Variants in FAM120A observed in about 807,000 individuals in gnomAD.
FAM120A encodes the protein family with sequence similarity 120 member A, also known as constitutive coactivator of PPAR-gamma-like protein 1.
FAM120A carries 15 observed loss-of-function variants against 109.7 expected under a neutral mutation model. That is an observed-to-expected ratio of 0.14 (90% confidence interval 0.09 to 0.21). The LOEUF (loss-of-function observed/expected upper bound fraction) is 0.21, where lower values mean the gene tolerates loss of function less well. Among genes scored for constraint, FAM120A ranks in the 10% least tolerant of loss-of-function variants. FAM120A has a pLI of 1.00. For missense variants in FAM120A, 899 were observed against 1,439.3 expected, an observed-to-expected ratio of 0.62 and a Z score of 6.07; for synonymous variants, 493 against 572.8, an observed-to-expected ratio of 0.86 and a Z score of 1.99.
intron 13 of FAM120A, among the ~76,000 whole-genome samples, chr9:93,557,524 A>G (rs1416626333): frequency 6.6e-6 from 1 of 152,224 alleles, no homozygotes; most frequent in African/African-American, 2.4e-5. Flanking sequence ...TCTTGTTTTC[A>G]GTATGAGCTG....
At chr9:93,456,284 C>T (rs1857546164) in intron 1 of FAM120A, among the ~76,000 whole-genome samples, 1 of 152,190 alleles carries the variant, frequency 6.6e-6, no homozygotes, top group Non-Finnish European at 1.5e-5. Flanking sequence ...GTCACTGGAG[C>T]TTTCATAAAT....
chr9:93,563,754 C>A (rs1340202161), intron 17 of FAM120A, among the ~76,000 whole-genome samples: 2 of 152,186 alleles, frequency 1.3e-5, no homozygotes, highest in African/African-American at 4.8e-5. Flanking sequence ...TTCACAAACA[C>A]GTGGCAATTA....
At chr9:93,533,521 A>G (rs996344804) in intron 10 of FAM120A, among the ~76,000 whole-genome samples, 3 of 152,220 alleles carry the variant, frequency 2.0e-5, no homozygotes, top group African/African-American at 7.2e-5. Flanking sequence ...AACAATGAAC[A>G]TTGTAAATGA....
rs116456488 is a variant in FAM120A, at chr9:93,509,999, G to A, written c.1031-5668G>A. On this transcript the variant is annotated intron_variant, in intron 5 of 17. Transcript: ENST00000277165. ...GATGCGTCCTAGTTCATCTTGATGA[G>A]TTTTTATCTTTAAAGCTAATGCAGA... Among the ~76,000 whole-genome samples, 1,264 of 152,298 alleles carry A rather than the reference G, an allele frequency of 8.3e-3. 10 individuals are homozygous for A. Among genetic ancestry groups the A allele is most frequent in the African/African-American group, 0.028 (1,181 of 41,562 alleles).
intron 12 of FAM120A, among the ~76,000 whole-genome samples, chr9:93,552,851 T>C (rs1192295483): frequency 6.6e-6 from 1 of 152,154 alleles, no homozygotes; most frequent in African/African-American, 2.4e-5. Flanking sequence ...TGCTACCCAG[T>C]TTGTGGATTG....
At chr9:93,474,812 C>T (rs774502602) in intron 2 of FAM120A, among the ~76,000 whole-genome samples, 42 of 152,192 alleles carry the variant, frequency 2.8e-4, no homozygotes, top group Non-Finnish European at 6.0e-4. Context: ...CCAGGATGGT[C>T]TCGATCTCCT....
Position 93,452,638 on chromosome 9 carries a change from C to T in FAM120A, c.474+249C>T. On this transcript the variant is annotated intron_variant, in intron 1 of 17. Coordinates refer to ENST00000277165, the MANE Select transcript of FAM120A (RefSeq NM_014612.5). This position sits in a 1 kb window ranked among gnomAD's most constrained non-coding sequence, Gnocchi z 7.0. ...GCGGCCGCGTGGGGACACTTGAGGG[C>T]TGGGAGAGAGCCCCGGACCAGAATT... The T allele has an allele frequency of 6.3e-7, 1 of 1,599,224 alleles. No individual in the cohort carries two copies. Among genetic ancestry groups the T allele is most frequent in the Non-Finnish European group, 8.5e-7 (1 of 1,179,916 alleles).
rs1010170233 is a variant in FAM120A at position 93,452,934 on chromosome 9, G to A, written c.474+545G>A. The A allele has an allele frequency of 1.4e-6, 2 of 1,413,614 alleles. No homozygotes were observed. The highest frequency in any genetic ancestry group is 2.9e-5 in the African/African-American group (2 of 68,860). The allele number at this position is 1,413,614 out of a possible 1,614,324, so 87.6% of individuals were successfully genotyped here. On this transcript the variant is annotated intron_variant, in intron 1 of 17. Coordinates refer to ENST00000277165, the MANE Select transcript of FAM120A (RefSeq NM_014612.5). This position sits in a 1 kb window ranked among gnomAD's most constrained non-coding sequence, Gnocchi z 7.0. ...CGGTGACAGCGAGACGTGTCTAAGGGCCAGTGCCCTGGCCTCTACTTCAGA... is the reference window on the plus strand; with the variant it reads ...CGGTGACAGCGAGACGTGTCTAAGGACCAGTGCCCTGGCCTCTACTTCAGA...
At chr9:93,554,464 C>T (rs1862222729) in intron 12 of FAM120A, among the ~76,000 whole-genome samples, 2 of 152,012 alleles carry the variant, frequency 1.3e-5, no homozygotes, top group East Asian at 1.9e-4. Flanking sequence ...CATGAGGCCA[C>T]GAGTTTGAGA....
chr9:93,472,878 T>G (rs374883696), intron 2 of FAM120A, among the ~76,000 whole-genome samples: 1 of 152,332 alleles, frequency 6.6e-6, no homozygotes, highest in East Asian at 1.9e-4. Flanking sequence ...TTGTAGGATG[T>G]ATACCAACAG....
chr9:93,471,014 CTG>C (rs1858286475), intron 1 of FAM120A, 125 bp from the exon 2 acceptor site: 1 of 1,126,498 alleles, frequency 8.9e-7, no homozygotes, highest in Non-Finnish European at 1.3e-6. Context: ...ATTTTTTTGA[CTG>C]TTTGGCTTTC....
At position 93,452,562 on chromosome 9, in the gene FAM120A, G is replaced by A; in HGVS notation, c.474+173G>A. On this transcript the variant is annotated intron_variant, in intron 1 of 17. Coordinates refer to ENST00000277165, the MANE Select transcript of FAM120A (RefSeq NM_014612.5). This position sits in a 1 kb window ranked among gnomAD's most constrained non-coding sequence, Gnocchi z 7.0. Reference sequence around the variant, plus strand: ...GGCTGCAAGATGGATGGCCGCGGGTGCAGGCCGCGCGCTGCCCAAGCCCGT... The same window carrying A: ...GGCTGCAAGATGGATGGCCGCGGGTACAGGCCGCGCGCTGCCCAAGCCCGT... 6.3e-7 allele frequency: 1 copy of A among 1,588,144 alleles called. No individual in the cohort carries two copies.
chr9:93,564,539 A>G lies in FAM120A; in HGVS notation c.3356A>G (p.Ter1119=), dbSNP rs1862577652. ...GCAGCTGTCTTAAATAAAGAAGAGT[A>G]AACTTATTTTTTATAGAGGGTGAAG... The part of the protein sequence containing the change: ...LEAAVLNKEE[*] The change falls in exon 18 of 18, where the codon TAA becomes TGA. Residue 1119 remains the stop codon, a stop_retained_variant. Transcript: ENST00000277165. 6.2e-7 allele frequency: 1 copy of G among 1,601,598 alleles called. No homozygotes were observed. The highest frequency in any genetic ancestry group is 1.3e-5 in the African/African-American group (1 of 74,344).
chr9:93,472,927 G>T (rs1464175607), intron 2 of FAM120A, among the ~76,000 whole-genome samples: 1 of 152,176 alleles, frequency 6.6e-6, no homozygotes, highest in Admixed American at 6.5e-5. Flanking sequence ...GGACTGGGCA[G>T]GGAAAGATTA....
chr9:93,559,761 G>A (rs897588562), intron 15 of FAM120A, among the ~76,000 whole-genome samples: 2 of 152,196 alleles, frequency 1.3e-5, no homozygotes, highest in Non-Finnish European at 2.9e-5. Context: ...AAGATGGAGG[G>A]AGAGGGGAGA....
Position 93,561,208 on chromosome 9 carries a change from C to G in FAM120A, c.2906C>G (p.Pro969Arg). 6.2e-7 allele frequency: 1 copy of G among 1,613,226 alleles called. No homozygotes were observed. Among genetic ancestry groups the G allele is most frequent in the Non-Finnish European group, 8.5e-7 (1 of 1,179,814 alleles). ...AGGCGGGGCCGTGGGGGCCGGGGGC[C>G]TTTCCCCCTGCAGGTGGTTTCTGTC... ...GSRRGRGGRG[P>R]FPLQVVSVGG... Residue 969 changes from proline to arginine, a missense_variant, in exon 16 of 18, where the codon CCT becomes CGT. Coordinates refer to ENST00000277165, the MANE Select transcript of FAM120A (RefSeq NM_014612.5).
intron 1 of FAM120A, among the ~76,000 whole-genome samples, chr9:93,459,228 A>G (rs1857682937): frequency 6.6e-6 from 1 of 152,210 alleles, no homozygotes. Context: ...GCATAACTGC[A>G]TATTTACCTC....
chr9:93,458,798 A>G (rs1353984152), intron 1 of FAM120A, among the ~76,000 whole-genome samples: 3 of 152,180 alleles, frequency 2.0e-5, no homozygotes, highest in Admixed American at 6.5e-5. Flanking sequence ...AATCTTGCAC[A>G]GCTTTGGCAG....
intron 11 of FAM120A, among the ~76,000 whole-genome samples, chr9:93,544,425 C>T (rs1861811379): frequency 6.6e-6 from 1 of 152,134 alleles, no homozygotes; most frequent in Admixed American, 6.5e-5. Flanking sequence ...CCCTCACAGC[C>T]CACAGCTCAG....
Sources: allele counts gnomAD v4.1 joint callset (sites outside exome capture counted in the v4.1 genomes callset), GRCh38; gene constraint gnomAD v4.1.1; non-coding constraint Gnocchi (gnomAD v3.1); transcripts MANE v1.5; gene names NCBI Gene and HGNC (gene_info 2026-07-23, HGNC 2026-07-21).